The following DLG2 variants were observed in gnomAD, a reference collection of about 807,000 sequenced individuals.
DLG2 encodes discs large MAGUK scaffold protein 2, also known as disks large homolog 2.
Under a neutral mutation model 132.5 loss-of-function variants are expected in DLG2, and 45 were observed. The ratio of observed to expected loss-of-function variants is 0.34; its 90% CI spans 0.27 to 0.44. DLG2 has a LOEUF of 0.44. Among genes scored for constraint, DLG2 ranks in the 20% least tolerant of loss-of-function variants. The pLI, the probability that DLG2 is intolerant of heterozygous loss-of-function variation, is 1.00. For missense variants in DLG2, 1,045 were observed against 1,196.9 expected, an observed-to-expected ratio of 0.87 and a Z score of 1.87; for synonymous variants, 424 against 419.6, an observed-to-expected ratio of 1.01 and a Z score of -0.13.
chr11:85,259,768 T>C (rs2076848341), intron 4 of DLG2, among the ~76,000 whole-genome samples: 1 of 152,028 alleles, frequency 6.6e-6, no homozygotes, highest in South Asian at 2.1e-4. Flanking sequence ...GCAAATTATT[T>C]AATACATCCA....
At chr11:85,205,536 G>T (rs2081826327) in intron 4 of DLG2, among the ~76,000 whole-genome samples, 1 of 152,160 alleles carries the variant, frequency 6.6e-6, no homozygotes. Context: ...AGCTGTAAAA[G>T]AATTGGAATG....
chr11:84,672,611 A>C (rs1595446925), intron 6 of DLG2, among the ~76,000 whole-genome samples: 1 of 152,248 alleles, frequency 6.6e-6, no homozygotes, highest in East Asian at 1.9e-4. Flanking sequence ...TAGGTAAGTG[A>C]AAATTGATAG....
In DLG2 at chr11:84,507,649, A is replaced by G. The variant is rs189883244; in HGVS notation, c.519+26921T>C. Among the ~76,000 whole-genome samples the G allele has an allele frequency of 1.8e-4, 27 of 152,260 alleles. No individual in the cohort carries two copies. In the East Asian group the frequency reaches 5.2e-3, roughly 29 times the overall value. ...TATTATTTTGAGTTATATTCCTTTG[A>G]TGCCTAGTCCGTTGAGAGTTTTTCA... On this transcript the variant is annotated intron_variant, in intron 7 of 27. Transcript: ENST00000376104.
intron 7 of DLG2, among the ~76,000 whole-genome samples, chr11:84,298,820 T>C (rs922618506): frequency 4.6e-5 from 7 of 152,274 alleles, no homozygotes; most frequent in Admixed American, 3.3e-4. Context: ...GGAGACTGCA[T>C]GGTGGCTTCA....
chr11:85,167,766 T>C (rs1175219999), intron 4 of DLG2, among the ~76,000 whole-genome samples: 6 of 152,286 alleles, frequency 3.9e-5, no homozygotes, highest in East Asian at 1.9e-4. Flanking sequence ...AATTAATGCA[T>C]ATGCTTTTCT....
chr11:84,964,922 C>T (rs552313043), intron 6 of DLG2, among the ~76,000 whole-genome samples: 2 of 152,022 alleles, frequency 1.3e-5, no homozygotes, highest in South Asian at 2.1e-4. Context: ...AACACATATA[C>T]GAAGTGTGAT....
intron 6 of DLG2, among the ~76,000 whole-genome samples, chr11:84,582,709 A>C (rs2154529356): frequency 6.6e-6 from 1 of 152,206 alleles, no homozygotes; most frequent in East Asian, 1.9e-4. Flanking sequence ...CACAGCAGCA[A>C]AAAACTGAGG....
intron 3 of DLG2, among the ~76,000 whole-genome samples, chr11:85,481,048 C>T (rs549564055): frequency 2.5e-4 from 38 of 152,338 alleles, no homozygotes; most frequent in Admixed American, 1.3e-4. Flanking sequence ...TCACTTTCTT[C>T]ATATGTAAAA....
At chr11:84,532,992 T>G (rs2099346513) in intron 7 of DLG2, among the ~76,000 whole-genome samples, 1 of 152,200 alleles carries the variant, frequency 6.6e-6, no homozygotes, top group South Asian at 2.1e-4. Flanking sequence ...GATTCTATAC[T>G]GAACACAGAA....
chr11:84,382,653 T>G (rs1340227907), intron 7 of DLG2, among the ~76,000 whole-genome samples: 3 of 152,174 alleles, frequency 2.0e-5, no homozygotes, highest in Admixed American at 1.3e-4. Flanking sequence ...AATACCAATT[T>G]GGCTTTCTAT....
chr11:85,277,792 C>T (rs1050329609), intron 4 of DLG2, among the ~76,000 whole-genome samples: 2 of 152,192 alleles, frequency 1.3e-5, no homozygotes, highest in Non-Finnish European at 2.9e-5. Flanking sequence ...TATCCATGAT[C>T]TTCCAGGAGG....
Position 85,152,749 on chromosome 11 carries a change from C to T in DLG2, c.282+1807G>A, listed in dbSNP as rs572690072. 1.4e-4 allele frequency among the ~76,000 whole-genome samples: 21 copies of T among 152,276 alleles called. No individual in the cohort carries two copies. In the East Asian group the frequency reaches 2.3e-3, roughly 17 times the overall value. On this transcript the variant is annotated intron_variant, in intron 5 of 27. Transcript: ENST00000376104. ...TTTCCAGTTATGACTTACTCTTACA[C>T]GATTCTTCCTTCTCAGTCTGATATG...
At chr11:83,741,748 C>G (rs954013571) in intron 18 of DLG2, among the ~76,000 whole-genome samples, 1 of 151,990 alleles carries the variant, frequency 6.6e-6, no homozygotes, top group African/African-American at 2.4e-5. Context: ...GTGGGTCATG[C>G]CTGTAATCCC....
intron 6 of DLG2, among the ~76,000 whole-genome samples, chr11:85,015,866 A>AAT (rs1218558683): frequency 2.0e-5 from 3 of 152,290 alleles, no homozygotes; most frequent in African/African-American, 7.2e-5. Flanking sequence ...ACTTTATGGT[A>AAT]ACTTATCTCA....
At chr11:85,118,885 C>G (rs1348172314) in intron 5 of DLG2, among the ~76,000 whole-genome samples, 4 of 151,698 alleles carry the variant, frequency 2.6e-5, no homozygotes, top group Admixed American at 2.0e-4. Flanking sequence ...GATTATAAAA[C>G]TATATACATT....
At chr11:84,559,373 C>G (rs796361192) in intron 6 of DLG2, among the ~76,000 whole-genome samples, 4 of 152,150 alleles carry the variant, frequency 2.6e-5, no homozygotes, top group African/African-American at 9.6e-5. Context: ...ATTAGAGACA[C>G]AGACAATGTG....
intron 11 of DLG2, among the ~76,000 whole-genome samples, chr11:84,045,596 T>C (rs1454213852): frequency 2.6e-5 from 4 of 151,526 alleles, no homozygotes; most frequent in Non-Finnish European, 5.9e-5. Flanking sequence ...AGAAGTAGAG[T>C]ATGGAGCTCA....
chr11:85,538,410 AC>A (rs771064334), intron 3 of DLG2, among the ~76,000 whole-genome samples: 2 of 151,968 alleles, frequency 1.3e-5, no homozygotes, highest in African/African-American at 2.4e-5. Context: ...AATTAGTTCA[AC>A]CATTGTGGAA....
intron 19 of DLG2, among the ~76,000 whole-genome samples, chr11:83,613,526 A>G (rs1375325690): frequency 6.6e-6 from 1 of 152,198 alleles, no homozygotes; most frequent in Non-Finnish European, 1.5e-5. Flanking sequence ...TTATTTTTGA[A>G]ACAGGGGGTT....
Sources: allele counts gnomAD v4.1 joint callset (sites outside exome capture counted in the v4.1 genomes callset), GRCh38; gene constraint gnomAD v4.1.1; transcripts MANE v1.5; gene names NCBI Gene and HGNC (gene_info 2026-07-23, HGNC 2026-07-21).